Variants in HTR4 observed in about 807,000 individuals in gnomAD.
The protein encoded by HTR4 is 5-hydroxytryptamine receptor 4.
Under a neutral mutation model 36.8 loss-of-function variants are expected in HTR4, and 16 were observed. That is an observed-to-expected ratio of 0.43 (90% confidence interval 0.29 to 0.66). The LOEUF (loss-of-function observed/expected upper bound fraction) is 0.66, where lower values mean the gene tolerates loss of function less well. HTR4 is among the 30% of genes least tolerant of loss of function. The probability of loss-of-function intolerance (pLI) is 0.13; values close to 1 mark genes in which losing one functional copy is unlikely to be tolerated. For missense variants in HTR4, 438 were observed against 490.9 expected, an observed-to-expected ratio of 0.89 and a Z score of 1.02; for synonymous variants, 189 against 185.1, an observed-to-expected ratio of 1.02 and a Z score of -0.17.
chr5:148,609,991 C>G (rs545606088), intron 2 of HTR4, among the ~76,000 whole-genome samples: 2 of 152,160 alleles, frequency 1.3e-5, no homozygotes, highest in Non-Finnish European at 2.9e-5. Context: ...ATTACACTAT[C>G]CCAGAAGTTG....
intron 6 of HTR4, among the ~76,000 whole-genome samples, chr5:148,487,782 T>C (rs757000950): frequency 1.5e-4 from 23 of 151,052 alleles, no homozygotes; most frequent in Non-Finnish European, 2.9e-4. Flanking sequence ...AGCTTAGAGA[T>C]AGGCAGTAGA....
intron 5 of HTR4, among the ~76,000 whole-genome samples, chr5:148,522,939 A>T (rs771736755): frequency 6.6e-6 from 1 of 152,174 alleles, no homozygotes; most frequent in African/African-American, 2.4e-5. Flanking sequence ...AAATTGGGTG[A>T]TGCAAAAACA....
At chr5:148,519,743 TC>T (rs1757923885) in intron 5 of HTR4, among the ~76,000 whole-genome samples, 1 of 152,178 alleles carries the variant, frequency 6.6e-6, no homozygotes, top group African/African-American at 2.4e-5. Flanking sequence ...CAATGCTCTA[TC>T]ATCTTGTTTC....
At chr5:148,582,700 A>T (rs967089160) in intron 2 of HTR4, among the ~76,000 whole-genome samples, 1 of 152,136 alleles carries the variant, frequency 6.6e-6, no homozygotes, top group Non-Finnish European at 1.5e-5. Context: ...GAATGGTGCA[A>T]TTGTGAATGG....
intron 2 of HTR4, among the ~76,000 whole-genome samples, chr5:148,556,912 G>A (rs1759973720): frequency 6.6e-6 from 1 of 152,212 alleles, no homozygotes; most frequent in Non-Finnish European, 1.5e-5. Flanking sequence ...TCTGATGTAT[G>A]CAGAGAATTT....
At chr5:148,452,777 G>A (rs562306243) in intron 5 of HTR4, among the ~76,000 whole-genome samples, 1 of 152,262 alleles carries the variant, frequency 6.6e-6, no homozygotes, top group Non-Finnish European at 1.5e-5. Flanking sequence ...GCTACTACTT[G>A]CCAGATAGGT....
chr5:148,609,858 G>A (rs1008108580), intron 2 of HTR4, among the ~76,000 whole-genome samples: 5 of 152,062 alleles, frequency 3.3e-5, no homozygotes, highest in Admixed American at 2.6e-4. Flanking sequence ...GAGCCACCAC[G>A]CCCGGCCCAT....
intron 5 of HTR4, among the ~76,000 whole-genome samples, chr5:148,462,202 A>G (rs1360482676): frequency 6.6e-6 from 1 of 152,040 alleles, no homozygotes; most frequent in Non-Finnish European, 1.5e-5. Context: ...TAAGAAATTC[A>G]TAGAGAAAAT....
chr5:148,609,670 A>T (rs1221660811), intron 2 of HTR4, among the ~76,000 whole-genome samples: 1 of 148,998 alleles, frequency 6.7e-6, no homozygotes, highest in African/African-American at 2.5e-5. Context: ...GGTTCATGCC[A>T]TTCTCCTGCC....
At chr5:148,451,057 T>A in exon 6 of HTR4, 1 of 1,514,596 alleles carries the variant, frequency 6.6e-7, no homozygotes, top group Non-Finnish European at 9.0e-7. Context: ...ATGTACCTCC[T>A]CTGGGCTCTC....
At chr5:148,602,802 C>A (rs1298405246) in intron 2 of HTR4, among the ~76,000 whole-genome samples, 1 of 152,014 alleles carries the variant, frequency 6.6e-6, no homozygotes. Flanking sequence ...TCTGGAATGA[C>A]AAATGGCACA....
At chr5:148,600,041 G>C (rs1761927206) in intron 2 of HTR4, among the ~76,000 whole-genome samples, 1 of 150,980 alleles carries the variant, frequency 6.6e-6, no homozygotes, top group African/African-American at 2.4e-5. Flanking sequence ...CAAATTTTTA[G>C]TCCAAAATAT....
chr5:148,653,469 G>A (rs1224473456), intron 1 of HTR4, among the ~76,000 whole-genome samples: 2 of 152,164 alleles, frequency 1.3e-5, no homozygotes, highest in African/African-American at 2.4e-5. Flanking sequence ...TTCTGTGAAA[G>A]GCAACTGCAG....
At chr5:148,535,241 A>G (rs1353660690) in intron 4 of HTR4, among the ~76,000 whole-genome samples, 1 of 152,188 alleles carries the variant, frequency 6.6e-6, no homozygotes, top group African/African-American at 2.4e-5. Flanking sequence ...ACTGTATTCA[A>G]TCTACACTGC....
rs569731633 is a variant in HTR4 at position 148,632,710 on chromosome 5, A to G, written c.26+4279T>C. Among the ~76,000 whole-genome samples, 8 of 152,296 alleles carry G rather than the reference A, an allele frequency of 5.3e-5. 1 individual carries two copies. Among genetic ancestry groups the G allele is most frequent in the African/African-American group, 1.9e-4 (8 of 41,578 alleles). ...AAGAAATTGATTGAAAAAATTTCTT[A>G]GAAAGCAGAAACTTTCAAATTATAA... On this transcript the variant is annotated intron_variant, in intron 2 of 6. Coordinates refer to ENST00000377888, the MANE Select transcript of HTR4 (RefSeq NM_000870.7).
In HTR4 at chr5:148,522,256, T is replaced by C. The variant is rs1452059201; in HGVS notation, c.507+937A>G. ...AATTACCCAATCTGGGGTTTGTCTT[T>C]ATCAGCAGTGTAAAAATGGACTAGT... On this transcript the variant is annotated intron_variant, in intron 5 of 6. Coordinates refer to ENST00000377888, the MANE Select transcript of HTR4 (RefSeq NM_000870.7). Among the ~76,000 whole-genome samples the C allele has an allele frequency of 3.9e-5, 6 of 152,186 alleles. No individual in the cohort carries two copies. The East Asian group carries it at 1.2e-3, about 29-fold the overall frequency.
chr5:148,533,868 G>C (rs928415659), intron 4 of HTR4, among the ~76,000 whole-genome samples: 1 of 151,502 alleles, frequency 6.6e-6, no homozygotes, highest in Non-Finnish European at 1.5e-5. Flanking sequence ...ATAAATATCT[G>C]TTTAATACAT....
chr5:148,576,559 A>G (rs142484499), intron 2 of HTR4, among the ~76,000 whole-genome samples: 1 of 152,216 alleles, frequency 6.6e-6, no homozygotes, highest in South Asian at 2.1e-4. Context: ...ATGTTACCTG[A>G]CTTCAAACTC....
chr5:148,644,470 T>C (rs1294589321), intron 1 of HTR4, among the ~76,000 whole-genome samples: 1 of 143,582 alleles, frequency 7.0e-6, no homozygotes, highest in Non-Finnish European at 1.5e-5. Flanking sequence ...GAAACACTAT[T>C]GTCTTAGTTG....
Sources: allele counts gnomAD v4.1 joint callset (sites outside exome capture counted in the v4.1 genomes callset), GRCh38; gene constraint gnomAD v4.1.1; transcripts MANE v1.5; gene names NCBI Gene and HGNC (gene_info 2026-07-23, HGNC 2026-07-21).